FHOD3: variants seen among roughly 807,000 people sequenced by gnomAD.
FHOD3 encodes formin homology 2 domain containing 3.
In FHOD3, 90 loss-of-function variants were observed where a neutral mutation model predicts 173.0. That is an observed-to-expected ratio of 0.52 (90% CI 0.44 to 0.62). The LOEUF (loss-of-function observed/expected upper bound fraction) is 0.62. Ranked by LOEUF, FHOD3 falls within the 20% of genes least tolerant of loss-of-function variation. The pLI, the probability that FHOD3 is intolerant of heterozygous loss-of-function variation, is 0.00. For missense variants in FHOD3, 1,945 were observed against 2,034.7 expected (o/e 0.96, Z 0.85); for synonymous variants, 828 against 823.0 (o/e 1.01, Z -0.10).
intron 5 of FHOD3, among the ~76,000 whole-genome samples, chr18:36,557,487 A>G (rs73429658): frequency 0.015 from 2,286 of 152,230 alleles, 56 homozygotes; most frequent in African/African-American, 0.052. Context: ...TAAAAGTTCA[A>G]TTTCGGTGTC....
chr18:36,369,927 A>G (rs943964100), intron 2 of FHOD3, among the ~76,000 whole-genome samples: 1 of 152,110 alleles, frequency 6.6e-6, no homozygotes, highest in Non-Finnish European at 1.5e-5. Flanking sequence ...TGTGCTTTCA[A>G]CCCTGCTTCT....
rs1383129844 is a variant in FHOD3 at position 36,747,120 on chromosome 18, G to C, written c.4217G>C (p.Arg1406Thr). The C allele has an allele frequency of 2.2e-5, 35 of 1,610,440 alleles. No homozygotes were observed. The highest frequency in any genetic ancestry group is 4.0e-5 in the African/African-American group (3 of 74,758). Residue 1406 changes from arginine to threonine, a missense_variant, in exon 24 of 29, where the codon AGA (arginine) becomes ACA (threonine). By Grantham distance (71) the Arg-to-Thr change is moderately conservative. Transcript: ENST00000590592. ...ATTATAATTTTAAAGATTGTCCATA[G>C]AAGGATAATCAACAGGTAAGTGGAT... ...ERIIILKIVH[R>T]RIINRFHSFL...
chr18:36,770,259 A>G (rs1301401766), intron 28 of FHOD3, among the ~76,000 whole-genome samples: 2 of 152,248 alleles, frequency 1.3e-5, no homozygotes, highest in African/African-American at 4.8e-5. Flanking sequence ...TGACAAGGAA[A>G]GAAGCCAGTG....
intron 5 of FHOD3, among the ~76,000 whole-genome samples, chr18:36,543,684 C>T (rs563686886): frequency 1.4e-4 from 22 of 152,280 alleles, no homozygotes; most frequent in African/African-American, 4.8e-4. Context: ...GCAAGCCCCG[C>T]GTACTGGCCT....
At chr18:36,510,252 T>A (rs1246659119) in intron 4 of FHOD3, among the ~76,000 whole-genome samples, 1 of 152,248 alleles carries the variant, frequency 6.6e-6, no homozygotes, top group East Asian at 1.9e-4. Context: ...CTATCAGTGT[T>A]AACATTTTGA....
At chr18:36,681,298 G>A (rs1468125515) in intron 14 of FHOD3, 138 bp from the exon 15 acceptor site, 11 of 973,552 alleles carry the variant, frequency 1.1e-5, no homozygotes, top group East Asian at 5.1e-5. Context: ...AAGAAGACCC[G>A]AGGCATTCAG....
At chr18:36,426,939 C>T (rs1599070768) in intron 3 of FHOD3, among the ~76,000 whole-genome samples, 2 of 152,224 alleles carry the variant, frequency 1.3e-5, no homozygotes, top group East Asian at 3.9e-4. Flanking sequence ...GAAGTAAGCA[C>T]ACACAACCAG....
intron 3 of FHOD3, among the ~76,000 whole-genome samples, chr18:36,474,134 A>G (rs1187177218): frequency 6.6e-6 from 1 of 152,244 alleles, no homozygotes; most frequent in Non-Finnish European, 1.5e-5. Flanking sequence ...TATGCATCAT[A>G]GAACAGTAAG....
chr18:36,729,628 AACTAGTAGC>A (rs2041252740), intron 19 of FHOD3, among the ~76,000 whole-genome samples: 1 of 152,094 alleles, frequency 6.6e-6, no homozygotes, highest in Non-Finnish European at 1.5e-5. Context: ...AGAGGGAGAG[AACTAGTAGC>A]ACTCTGGTCT....
intron 1 of FHOD3, among the ~76,000 whole-genome samples, chr18:36,303,772 C>T (rs930440399): frequency 2.0e-5 from 3 of 152,118 alleles, no homozygotes; most frequent in Admixed American, 2.0e-4. Flanking sequence ...CTGTGGCTGG[C>T]TTAGAGGCAT....
At position 36,693,437 on chromosome 18, in the gene FHOD3, G is replaced by A; in HGVS notation, c.2236+14G>A. ...ACCATCCCCAAGGTGAGTACAGGGA[G>A]AGTAGAGGGAAAATGAACAGGTTAA... On this transcript the variant is annotated intron_variant, in intron 17 of 28. Coordinates refer to ENST00000590592, the MANE Select transcript of FHOD3 (RefSeq NM_001281740.3). 1 of 1,608,954 alleles carries A rather than the reference G, an allele frequency of 6.2e-7. No homozygotes were observed. Among genetic ancestry groups the A allele is most frequent in the South Asian group, 1.1e-5 (1 of 90,420 alleles).
intron 1 of FHOD3, among the ~76,000 whole-genome samples, chr18:36,321,261 G>A (rs2044378248): frequency 6.6e-6 from 1 of 152,150 alleles, no homozygotes; most frequent in South Asian, 2.1e-4. Context: ...CTAGGTTGAG[G>A]CCAGGGCCCA....
rs16967920 is a variant in FHOD3 at position 36,519,315 on chromosome 18, A to C, written c.511+6772A>C. Among the ~76,000 whole-genome samples the C allele has an allele frequency of 7.8e-3, 1,190 of 152,290 alleles. 13 individuals carry two copies. Among genetic ancestry groups the C allele is most frequent in the African/African-American group, 0.027 (1,131 of 41,570 alleles). On this transcript the variant is annotated intron_variant, in intron 5 of 28. Coordinates refer to ENST00000590592, the MANE Select transcript of FHOD3 (RefSeq NM_001281740.3). ...CTTTCTGCAGTGCTGCATTTCTCAC[A>C]GGAGGGAGCTGGGTGCTGGCCCCAC...
At chr18:36,422,914 A>G (rs1599054327) in intron 3 of FHOD3, among the ~76,000 whole-genome samples, 3 of 152,296 alleles carry the variant, frequency 2.0e-5, no homozygotes, top group Middle Eastern at 6.8e-3. Flanking sequence ...AAGTGTTAAC[A>G]TTTTACCATG....
intron 28 of FHOD3, among the ~76,000 whole-genome samples, chr18:36,776,054 C>G (rs1346244518): frequency 6.6e-6 from 1 of 152,162 alleles, no homozygotes; most frequent in Non-Finnish European, 1.5e-5. Context: ...GCCGACCTTG[C>G]CACAGTGCTG....
At chr18:36,518,107 T>A (rs1190919946) in intron 5 of FHOD3, among the ~76,000 whole-genome samples, 2 of 152,198 alleles carry the variant, frequency 1.3e-5, no homozygotes, top group African/African-American at 4.8e-5. Context: ...TGGCACTTTA[T>A]AAAATGCCAA....
chr18:36,694,982 T>G (rs1308427568), intron 17 of FHOD3, among the ~76,000 whole-genome samples: 1 of 150,662 alleles, frequency 6.6e-6, no homozygotes, highest in Non-Finnish European at 1.5e-5. Flanking sequence ...CGTGGGTGTG[T>G]GTGTGTGTGT....
In FHOD3 at chr18:36,658,080, G is replaced by C. The variant is rs1451856618; in HGVS notation, c.1727G>C (p.Ser576Thr). The change falls in exon 14 of 29, where the codon AGC becomes ACC. Residue 576 changes from serine (S) to threonine (T), a missense_variant. Coordinates refer to ENST00000590592, the MANE Select transcript of FHOD3 (RefSeq NM_001281740.3). The part of the protein sequence containing the change: ...HFRSFSSNRY[S>T]NFGNNSYHSS... ...TAAACCTCTGCACTTCTTAGATACA[G>C]CAATTTTGGCAATAACTCTTATCAC... is the stretch of plus-strand genomic sequence containing the variant. The C allele has an allele frequency of 6.2e-7, 1 of 1,606,276 alleles. No individual in the cohort carries two copies. Among genetic ancestry groups the C allele is most frequent in the Non-Finnish European group, 8.5e-7 (1 of 1,176,398 alleles).
chr18:36,467,102 G>A (rs1198607340), intron 3 of FHOD3, among the ~76,000 whole-genome samples: 6 of 152,106 alleles, frequency 3.9e-5, no homozygotes, highest in African/African-American at 7.2e-5. Flanking sequence ...GCTGACCAGC[G>A]AGTCTCCAGC....
Sources: allele counts gnomAD v4.1 joint callset (sites outside exome capture counted in the v4.1 genomes callset), GRCh38; gene constraint gnomAD v4.1.1; transcripts MANE v1.5; gene names NCBI Gene and HGNC (gene_info 2026-07-23, HGNC 2026-07-21).